The following LUZP2 variants were observed in gnomAD, a reference collection of about 807,000 sequenced individuals.
LUZP2 encodes the protein leucine zipper protein 2.
LUZP2 carries 52 observed loss-of-function variants against 51.6 expected under a neutral mutation model. The observed-to-expected ratio is 1.01, with a 90% CI of 0.81 to 1.27. LUZP2 has a LOEUF of 1.27. LUZP2 is among the 50% of genes most tolerant of loss of function. The probability of loss-of-function intolerance (pLI) is 0.00; values close to 1 mark genes in which losing one functional copy is unlikely to be tolerated. For synonymous variants in LUZP2, 154 were observed against 137.3 expected (o/e 1.12, Z -0.85); for missense variants, 436 against 395.4 (o/e 1.10, Z -0.87).
chr11:24,913,473 C>T (rs1590721628), intron 6 of LUZP2, among the ~76,000 whole-genome samples: 1 of 152,024 alleles, frequency 6.6e-6, no homozygotes, highest in South Asian at 2.1e-4. Flanking sequence ...AATAAAGATG[C>T]CATAAGCATT....
intron 1 of LUZP2, among the ~76,000 whole-genome samples, chr11:24,552,781 T>G (rs1386050997): frequency 3.3e-5 from 5 of 151,830 alleles, no homozygotes; most frequent in Non-Finnish European, 7.4e-5. Flanking sequence ...ATTTAAATCC[T>G]GACAAGGACT....
At chr11:24,591,702 G>A (rs1853267736) in intron 1 of LUZP2, among the ~76,000 whole-genome samples, 1 of 152,114 alleles carries the variant, frequency 6.6e-6, no homozygotes, top group Admixed American at 6.6e-5. Flanking sequence ...CAGAATTACT[G>A]TTTTGCCATC....
At chr11:24,942,233 G>C (rs1854772187) in intron 7 of LUZP2, among the ~76,000 whole-genome samples, 1 of 152,062 alleles carries the variant, frequency 6.6e-6, no homozygotes, top group South Asian at 2.1e-4. Flanking sequence ...GAAAAATTAG[G>C]AGTAGAATAG....
At chr11:24,966,164 C>T (rs1046346385) in intron 7 of LUZP2, among the ~76,000 whole-genome samples, 1 of 151,548 alleles carries the variant, frequency 6.6e-6, no homozygotes, top group Non-Finnish European at 1.5e-5. Context: ...TATAAATAAA[C>T]CACTTTTCAT....
At chr11:24,795,866 T>A (rs1849533218) in intron 5 of LUZP2, among the ~76,000 whole-genome samples, 1 of 152,096 alleles carries the variant, frequency 6.6e-6, no homozygotes, top group Non-Finnish European at 1.5e-5. Flanking sequence ...CCTAATCCTG[T>A]CTGTCTATAG....
chr11:25,031,104 C>T (rs1208072101), intron 9 of LUZP2, among the ~76,000 whole-genome samples: 4 of 142,688 alleles, frequency 2.8e-5, no homozygotes, highest in African/African-American at 1.0e-4. Flanking sequence ...CTCCACCTCC[C>T]GAATTCAAGC....
At chr11:24,786,064 A>T in intron 5 of LUZP2, 1 of 985,346 alleles carries the variant, frequency 1.0e-6, no homozygotes, top group East Asian at 1.1e-4. Flanking sequence ...GCTGGTGGGC[A>T]CATTTTTCAT....
At chr11:24,739,396 G>A (rs945980249) in intron 4 of LUZP2, among the ~76,000 whole-genome samples, 3 of 151,998 alleles carry the variant, frequency 2.0e-5, no homozygotes, top group African/African-American at 4.8e-5. Flanking sequence ...GTTGTTTTTC[G>A]ATTGGTTGTT....
chr11:24,831,590 T>A (rs1015687737), intron 5 of LUZP2, among the ~76,000 whole-genome samples: 1 of 152,206 alleles, frequency 6.6e-6, no homozygotes, highest in South Asian at 2.1e-4. Context: ...AGTTACTGTC[T>A]CTTAAAATTA....
At chr11:24,856,941 G>T (rs929754069) in intron 5 of LUZP2, among the ~76,000 whole-genome samples, 4 of 151,964 alleles carry the variant, frequency 2.6e-5, no homozygotes, top group African/African-American at 9.7e-5. Flanking sequence ...TCAGAAGGGT[G>T]GGAGGGTGAG....
intron 10 of LUZP2, among the ~76,000 whole-genome samples, chr11:25,062,587 CAA>C (rs1163708322): frequency 3.7e-3 from 158 of 43,066 alleles, no homozygotes; most frequent in Non-Finnish European, 6.9e-3. Context: ...AAGACCCTGT[CAA>C]AAAAAAAAAA....
At chr11:24,699,086 AACACAC>A (rs67317108) in intron 1 of LUZP2, among the ~76,000 whole-genome samples, 3,982 of 138,428 alleles carry the variant, frequency 0.029, 56 homozygotes, top group Non-Finnish European at 0.036. Context: ...AAACCACAGA[AACACAC>A]ACACACACAC....
chr11:24,895,946 G>A lies in LUZP2; in HGVS notation c.397-10045G>A, dbSNP rs147760535. ...TTCCATGGTGGCTTCACCAATTTAC[G>A]TTCCCACCAATACTGTATAAGTGTT... On this transcript the variant is annotated intron_variant, in intron 5 of 11. Coordinates refer to ENST00000336930, the MANE Select transcript of LUZP2 (RefSeq NM_001009909.4). Among the ~76,000 whole-genome samples the A allele has an allele frequency of 2.0e-3, 299 of 152,244 alleles. 1 individual carries two copies. Among genetic ancestry groups the A allele is most frequent in the African/African-American group, 6.9e-3 (286 of 41,548 alleles).
At chr11:24,893,387 T>G (rs1250048814) in intron 5 of LUZP2, 1 of 152,024 alleles carries the variant, frequency 6.6e-6, no homozygotes, top group Non-Finnish European at 1.5e-5. Flanking sequence ...CAAAACTCAG[T>G]GCTCAGAAAT....
intron 1 of LUZP2, among the ~76,000 whole-genome samples, chr11:24,707,864 G>A (rs1857652540): frequency 6.6e-6 from 1 of 152,182 alleles, no homozygotes; most frequent in African/African-American, 2.4e-5. Context: ...CACCCTTACA[G>A]ATGGAATAAT....
At chr11:24,794,876 C>G (rs1022844804) in intron 5 of LUZP2, among the ~76,000 whole-genome samples, 12 of 151,998 alleles carry the variant, frequency 7.9e-5, no homozygotes, top group Non-Finnish European at 1.2e-4. Context: ...ACCTTGTTAA[C>G]AAGGTAGTTA....
chr11:24,511,375 G>A (rs1352555268), intron 1 of LUZP2, among the ~76,000 whole-genome samples: 1 of 151,788 alleles, frequency 6.6e-6, no homozygotes, highest in Admixed American at 6.6e-5. Context: ...GTGAAAGCTG[G>A]TGTCTGTCGC....
chr11:24,629,455 GCATTATA>G (rs1385498001), intron 1 of LUZP2, among the ~76,000 whole-genome samples: 2 of 146,118 alleles, frequency 1.4e-5, no homozygotes, highest in South Asian at 2.1e-4. Flanking sequence ...ATATATATAT[GCATTATA>G]CATTATACAT....
At chr11:24,976,562 A>G (rs1379931245) in intron 7 of LUZP2, 29 bp from the exon 8 acceptor site, 2 of 1,510,378 alleles carry the variant, frequency 1.3e-6, no homozygotes, top group East Asian at 4.7e-5. Flanking sequence ...TGCAGAATTT[A>G]TCTAGAAGAT....
Sources: gnomAD v4.1 joint callset for allele counts (sites outside exome capture counted in the v4.1 genomes callset) on GRCh38, gnomAD v4.1.1 for gene constraint, MANE v1.5 for transcripts, NCBI Gene and HGNC (gene_info 2026-07-23, HGNC 2026-07-21) for gene names.